Variants in BAIAP2L1 observed in about 807,000 individuals in gnomAD.
BAIAP2L1 encodes the protein BAR/IMD domain-containing adapter protein 2-like 1.
Under a neutral mutation model 66.3 loss-of-function variants are expected in BAIAP2L1, and 35 were observed. That is an observed-to-expected ratio of 0.53 (90% CI 0.40 to 0.70). The LOEUF (loss-of-function observed/expected upper bound fraction) is 0.70. Ranked by LOEUF, BAIAP2L1 falls within the 30% of genes least tolerant of loss-of-function variation. The probability of loss-of-function intolerance (pLI) is 0.00; values close to 1 mark genes in which losing one functional copy is unlikely to be tolerated. For synonymous variants in BAIAP2L1, 269 were observed against 248.7 expected, an observed-to-expected ratio of 1.08 and a Z score of -0.77; for missense variants, 622 against 656.9, an observed-to-expected ratio of 0.95 and a Z score of 0.58.
rs372569831 is a variant in BAIAP2L1 at position 98,320,337 on chromosome 7, C to T, written c.215-39G>A. The T allele has an allele frequency of 2.2e-4, 328 of 1,486,048 alleles. 2 individuals are homozygous for T. The highest frequency in any genetic ancestry group is 5.2e-4 in the East Asian group (23 of 43,932). 92.1% of individuals were successfully genotyped at this position (1,486,048 alleles called of 1,614,324 possible). A position where few individuals can be genotyped will look rare whatever the true frequency, so the allele number is the denominator to read the frequency against. ...CAGATATGTTAGCGGGAAGCCATTGCGTATTTTTTTGTTTTGAAATGGAGT... is the reference window on the plus strand; with the variant it reads ...CAGATATGTTAGCGGGAAGCCATTGTGTATTTTTTTGTTTTGAAATGGAGT... On this transcript the variant is annotated intron_variant, in intron 3 of 13. Transcript: ENST00000005260.
At chr7:98,302,185 CATTT>C (rs1800457746) in intron 12 of BAIAP2L1, among the ~76,000 whole-genome samples, 1 of 152,206 alleles carries the variant, frequency 6.6e-6, no homozygotes, top group Admixed American at 6.5e-5. Flanking sequence ...AGGCTTCTTC[CATTT>C]ATCCAATTCC....
chr7:98,340,298 A>AT (rs199941860), intron 3 of BAIAP2L1, among the ~76,000 whole-genome samples: 1,780 of 152,046 alleles, frequency 0.012, 38 homozygotes, highest in African/African-American at 0.041. Context: ...TTATTTCTTT[A>AT]TTTTTTTGAG....
intron 3 of BAIAP2L1, among the ~76,000 whole-genome samples, chr7:98,334,026 A>C (rs1325046261): frequency 1.3e-5 from 2 of 152,246 alleles, no homozygotes; most frequent in African/African-American, 4.8e-5. Context: ...CACATAAAGT[A>C]TATTTTAATT....
intron 2 of BAIAP2L1, 131 bp downstream of exon 2, chr7:98,362,226 G>A (rs1802282819): frequency 2.9e-6 from 2 of 683,640 alleles, no homozygotes; most frequent in Non-Finnish European, 4.9e-6. Flanking sequence ...GCAAAGTTCT[G>A]TAGATTAAAT....
At chr7:98,366,696 C>G (rs931471240) in intron 1 of BAIAP2L1, among the ~76,000 whole-genome samples, 2 of 152,156 alleles carry the variant, frequency 1.3e-5, no homozygotes, top group African/African-American at 4.8e-5. Flanking sequence ...CCTGGAAGCC[C>G]GCTCACCTGG....
chr7:98,339,290 CTT>C (rs1801684145), intron 3 of BAIAP2L1, among the ~76,000 whole-genome samples: 1 of 152,052 alleles, frequency 6.6e-6, no homozygotes, highest in Non-Finnish European at 1.5e-5. Context: ...TATTGTCTGA[CTT>C]TTTAATTGTG....
chr7:98,354,089 G>A (rs577899919), intron 3 of BAIAP2L1, among the ~76,000 whole-genome samples: 6 of 152,056 alleles, frequency 3.9e-5, no homozygotes, highest in Admixed American at 6.6e-5. Context: ...ATGGTCTACC[G>A]TGTGCCTATG....
chr7:98,317,703 A>AC (rs1801118533), intron 5 of BAIAP2L1, among the ~76,000 whole-genome samples: 1 of 146,112 alleles, frequency 6.8e-6, no homozygotes, highest in Non-Finnish European at 1.5e-5. Context: ...ACTGGCTGGG[A>AC]CCATCACCCC....
chr7:98,367,673 C>A (rs1802417523), intron 1 of BAIAP2L1, among the ~76,000 whole-genome samples: 1 of 151,704 alleles, frequency 6.6e-6, no homozygotes, highest in Non-Finnish European at 1.5e-5. Flanking sequence ...GTAGCTGGGA[C>A]TACAGGCACC....
chr7:98,363,569 G>T (rs1299485735), intron 1 of BAIAP2L1, among the ~76,000 whole-genome samples: 1 of 152,152 alleles, frequency 6.6e-6, no homozygotes, highest in Non-Finnish European at 1.5e-5. Flanking sequence ...TAGGACGTGG[G>T]TCTAAATTTT....
intron 3 of BAIAP2L1, among the ~76,000 whole-genome samples, chr7:98,329,562 T>C (rs1490791636): frequency 6.6e-6 from 1 of 152,112 alleles, no homozygotes; most frequent in African/African-American, 2.4e-5. Context: ...TTCTGAAATA[T>C]GCCCAGAGCT....
At chr7:98,329,713 T>TAA (rs36085425) in intron 3 of BAIAP2L1, among the ~76,000 whole-genome samples, 59,099 of 146,722 alleles carry the variant, frequency 0.4, 12,535 homozygotes, top group Middle Eastern at 0.54. Flanking sequence ...TAAAGGGATT[T>TAA]AAAAAAAAAA....
Position 98,400,950 on chromosome 7 carries a change from C to T in BAIAP2L1, c.-98G>A. ...GGAGGGCCGGGGCGCGACTAAGGGGCTCTGGAGGGTCGGCCGCCGCCGCAG... is the reference window on the plus strand; with the variant it reads ...GGAGGGCCGGGGCGCGACTAAGGGGTTCTGGAGGGTCGGCCGCCGCCGCAG... On this transcript the variant is annotated 5_prime_UTR_variant, in exon 1 of 14. Transcript: ENST00000005260. The T allele has an allele frequency of 8.7e-7, 1 of 1,154,296 alleles. No individual in the cohort carries two copies. The highest frequency in any genetic ancestry group is 1.1e-6 in the Non-Finnish European group (1 of 886,224). The allele number at this position is 1,154,296 out of a possible 1,614,324, so 71.5% of individuals were successfully genotyped here. A position where few individuals can be genotyped will look rare whatever the true frequency, so the allele number is the denominator to read the frequency against.
intron 1 of BAIAP2L1, among the ~76,000 whole-genome samples, chr7:98,381,031 C>T (rs1473315950): frequency 1.3e-5 from 2 of 152,178 alleles, no homozygotes; most frequent in Non-Finnish European, 2.9e-5. Context: ...GCTGGACACG[C>T]ACCACTGGTC....
intron 1 of BAIAP2L1, among the ~76,000 whole-genome samples, chr7:98,393,175 A>ATACACACACATATGTG (rs375107527): frequency 7.2e-6 from 1 of 138,098 alleles, no homozygotes; most frequent in Non-Finnish European, 1.6e-5. Context: ...ATGTATATAT[A>ATACACACACATATGTG]TACATATATG....
intron 3 of BAIAP2L1, among the ~76,000 whole-genome samples, chr7:98,343,278 C>G (rs1420797255): frequency 6.0e-5 from 9 of 150,310 alleles, no homozygotes; most frequent in Admixed American, 3.3e-4. Context: ...CACACACACA[C>G]ACACACACAG....
In BAIAP2L1 at chr7:98,305,914, G is replaced by A. The variant is rs575332878; in HGVS notation, c.1241+525C>T. ...GCCCATCAGTGTATTTCAAGCCATG[G>A]GAGTGGATGAGATGGCCCAGCACAG... is the stretch of plus-strand genomic sequence containing the variant. On this transcript the variant is annotated intron_variant, in intron 11 of 13. Coordinates refer to ENST00000005260, the MANE Select transcript of BAIAP2L1 (RefSeq NM_018842.5). Among the ~76,000 whole-genome samples, 14 of 152,238 alleles carry A rather than the reference G, an allele frequency of 9.2e-5. No homozygotes were observed. In the South Asian group the frequency reaches 2.9e-3, roughly 32 times the overall value.
intron 1 of BAIAP2L1, among the ~76,000 whole-genome samples, chr7:98,374,543 GA>G (rs937809036): frequency 1.3e-5 from 2 of 151,800 alleles, no homozygotes; most frequent in Admixed American, 6.6e-5. Flanking sequence ...AATGAATGGT[GA>G]AAAAAAGTGA....
Position 98,307,872 on chromosome 7 carries a change from T to G in BAIAP2L1, c.980A>C (p.Gln327Pro), listed in dbSNP as rs776372800. 6.2e-7 allele frequency: 1 copy of G among 1,614,252 alleles called. No homozygotes were observed. The highest frequency in any genetic ancestry group is 8.5e-7 in the Non-Finnish European group (1 of 1,180,040). ...TCCCGTTGCAACCGAAACTGATCGC[T>G]GTAAACTGGGATCTTCGGAAGTACC... ...STGTSEDPSL[Q>P]RSVSVATGLN... The change falls in exon 10 of 14, where the codon CAG (glutamine) becomes CCG (proline). Residue 327 changes from glutamine to proline, a missense_variant. By Grantham distance (76) the Gln-to-Pro change is moderately conservative. Transcript: ENST00000005260.
Sources: allele counts gnomAD v4.1 joint callset (sites outside exome capture counted in the v4.1 genomes callset), GRCh38; gene constraint gnomAD v4.1.1; transcripts MANE v1.5; gene names NCBI Gene and HGNC (gene_info 2026-07-23, HGNC 2026-07-21).